LRRC8A: variants seen among roughly 807,000 people sequenced by gnomAD.
LRRC8A encodes the protein volume-regulated anion channel subunit LRRC8A.
Under a neutral mutation model 52.5 loss-of-function variants are expected in LRRC8A, and 24 were observed. The observed-to-expected ratio is 0.46, with a 90% confidence interval of 0.33 to 0.64. The LOEUF is 0.64. Among genes scored for constraint, LRRC8A ranks in the 30% least tolerant of loss-of-function variants. The pLI, the probability that LRRC8A is intolerant of heterozygous loss-of-function variation, is 0.02. For missense variants in LRRC8A, 677 were observed against 1,094.7 expected (o/e 0.62, Z 5.38); for synonymous variants, 492 against 494.2 (o/e 1.00, Z 0.06).
intron 2 of LRRC8A, among the ~76,000 whole-genome samples, chr9:128,906,316 ATTTTTT>A (rs71383620): frequency 3.7e-4 from 29 of 79,286 alleles, no homozygotes; most frequent in South Asian, 2.2e-3. Flanking sequence ...CCCATGTGGA[ATTTTTT>A]TTTTTTTTTT....
At chr9:128,889,540 G>T (rs954163589) in intron 2 of LRRC8A, among the ~76,000 whole-genome samples, 2 of 151,336 alleles carry the variant, frequency 1.3e-5, no homozygotes, top group African/African-American at 4.9e-5. Context: ...CTGTCACCCA[G>T]GCTGGAGTGC....
chr9:128,883,059 G>C (rs1839175554), intron 1 of LRRC8A: 1 of 330,028 alleles, frequency 3.0e-6, no homozygotes, highest in Admixed American at 4.9e-5. Context: ...CTCAGCTGTT[G>C]CGATTGTTGC....
chr9:128,903,634 C>T (rs1165329796), intron 2 of LRRC8A, among the ~76,000 whole-genome samples: 1 of 151,722 alleles, frequency 6.6e-6, no homozygotes, highest in African/African-American at 2.4e-5. Flanking sequence ...AGGATGGTCT[C>T]GATCTCCTGA....
At chr9:128,900,772 A>G (rs1008037637) in intron 2 of LRRC8A, among the ~76,000 whole-genome samples, 1 of 152,228 alleles carries the variant, frequency 6.6e-6, no homozygotes. Flanking sequence ...TCATGCCCGT[A>G]GTCCCAGCTA....
rs766994978 is a variant in LRRC8A, at chr9:128,892,021, A to T, written c.-9+5900A>T. Among the ~76,000 whole-genome samples, 3 of 152,230 alleles carry T rather than the reference A, an allele frequency of 2.0e-5. No individual in the cohort carries two copies. The highest frequency in any genetic ancestry group is 4.4e-5 in the Non-Finnish European group (3 of 68,036). ...AGAGCCTTACTGTATGGCAGGCACT[A>T]GTCCAAAAGCTTTATATGGACTGTC... On this transcript the variant is annotated intron_variant, in intron 2 of 3. Coordinates refer to ENST00000372600, the MANE Select transcript of LRRC8A (RefSeq NM_019594.4). This position sits in a 1 kb window ranked among gnomAD's most constrained non-coding sequence, Gnocchi z 5.2.
At chr9:128,884,062 C>T (rs1454014082) in intron 1 of LRRC8A, among the ~76,000 whole-genome samples, 1 of 152,106 alleles carries the variant, frequency 6.6e-6, no homozygotes, top group Admixed American at 6.5e-5. Flanking sequence ...GGTTCTCCAT[C>T]CCTTAGGCAC....
intron 2 of LRRC8A, among the ~76,000 whole-genome samples, chr9:128,904,273 C>T (rs530610496): frequency 6.6e-6 from 1 of 152,292 alleles, no homozygotes; most frequent in South Asian, 2.1e-4. Context: ...AATCCCAGCA[C>T]TGTGGGAGGC....
intron 2 of LRRC8A, among the ~76,000 whole-genome samples, chr9:128,897,787 T>A (rs774194713): frequency 1.3e-5 from 2 of 151,672 alleles, no homozygotes; most frequent in Non-Finnish European, 2.9e-5. Context: ...CAGGTGATCC[T>A]CCCACCTCGG....
At position 128,916,623 on chromosome 9, in the gene LRRC8A, AT is replaced by A; in HGVS notation, c.*255del. ...GGAGAGCAAGTCTCAAGAGCGCAGT[AT>A]TTGGATAATCAGGGTCTCCTCCCTG... On this transcript the variant is annotated 3_prime_UTR_variant, in exon 4 of 4. Transcript: ENST00000372600. This position sits in a 1 kb window ranked among gnomAD's most constrained non-coding sequence, Gnocchi z 6.1. 1 of 501,304 alleles carries A rather than the reference AT, an allele frequency of 2.0e-6. No individual in the cohort carries two copies. The highest frequency in any genetic ancestry group is 3.5e-6 in the Non-Finnish European group (1 of 281,876). The allele number at this position is 501,304 out of a possible 1,614,324, so 31.1% of individuals were successfully genotyped here.
chr9:128,917,942 G>C lies in LRRC8A; in HGVS notation c.*1571G>C, dbSNP rs2131083291. 1 of 152,784 alleles carries C rather than the reference G, an allele frequency of 6.5e-6. No homozygotes were observed. The highest frequency in any genetic ancestry group is 1.9e-4 in the East Asian group (1 of 5,190). The allele number at this position is 152,784 out of a possible 1,614,324, so 9.5% of individuals were successfully genotyped here. On this transcript the variant is annotated 3_prime_UTR_variant, in exon 4 of 4. Coordinates refer to ENST00000372600, the MANE Select transcript of LRRC8A (RefSeq NM_019594.4). Reference sequence around the variant, plus strand: ...ATTGGATATAATCCTCAGAAATAATGCACACTAGCCTCTGACAACCATGAA... The same window carrying C: ...ATTGGATATAATCCTCAGAAATAATCCACACTAGCCTCTGACAACCATGAA...
At chr9:128,903,371 T>C (rs1840103844) in intron 2 of LRRC8A, among the ~76,000 whole-genome samples, 7 of 151,580 alleles carry the variant, frequency 4.6e-5, no homozygotes, top group Admixed American at 4.6e-4. Context: ...CTAGAAAGAT[T>C]GGGGCTGGGG....
chr9:128,906,479 C>T (rs1157454210), intron 2 of LRRC8A, among the ~76,000 whole-genome samples: 3 of 152,022 alleles, frequency 2.0e-5, no homozygotes, highest in Non-Finnish European at 2.9e-5. Context: ...CCCGCCACTA[C>T]GCCAGGCTAA....
chr9:128,897,446 G>A (rs1020215598), intron 2 of LRRC8A, among the ~76,000 whole-genome samples: 1 of 151,802 alleles, frequency 6.6e-6, no homozygotes, highest in East Asian at 1.9e-4. Flanking sequence ...CTCCTGAGGT[G>A]ATCAGCCCAC....
At position 128,882,134 on chromosome 9, in the gene LRRC8A, A is replaced by T. The variant is rs1403003014; in HGVS notation, c.-232A>T. On this transcript the variant is annotated 5_prime_UTR_variant, in exon 1 of 4. Transcript: ENST00000372600. ...GTCACTTCCGGGGCGGAGGAGGCTGAGTGGTGCAGTGAGGGACAAACAAAA... is the reference window on the plus strand; with the variant it reads ...GTCACTTCCGGGGCGGAGGAGGCTGTGTGGTGCAGTGAGGGACAAACAAAA... 1 of 152,194 alleles carries T rather than the reference A, an allele frequency of 6.6e-6. No individual in the cohort carries two copies. The allele number at this position is 152,194 out of a possible 1,614,324, so 9.4% of individuals were successfully genotyped here.
chr9:128,913,971 G>A (rs1028173405), intron 3 of LRRC8A, among the ~76,000 whole-genome samples: 1 of 152,222 alleles, frequency 6.6e-6, no homozygotes, highest in Non-Finnish European at 1.5e-5. Flanking sequence ...TTGGGAGGCC[G>A]AGGCGGGCAG....
intron 2 of LRRC8A, among the ~76,000 whole-genome samples, 193 bp downstream of exon 2, chr9:128,886,314 A>T (rs966508944): frequency 1.1e-4 from 16 of 152,138 alleles, no homozygotes; most frequent in African/African-American, 2.9e-4. Flanking sequence ...TGCTTGCCGC[A>T]CTCATTGAAT....
chr9:128,907,157 G>T lies in LRRC8A; in HGVS notation c.-8G>T. The T allele has an allele frequency of 1.9e-6, 3 of 1,603,070 alleles. No individual in the cohort carries two copies. Among genetic ancestry groups the T allele is most frequent in the Non-Finnish European group, 2.6e-6 (3 of 1,172,262 alleles). ...CCCCCCTCCTATGGCTCCCTTTTAG[G>T]TTGAACCATGATTCCGGTGACAGAG... is the stretch of plus-strand genomic sequence containing the variant. On this transcript the variant is annotated splice_region_variant and 5_prime_UTR_variant, in exon 3 of 4. Transcript: ENST00000372600. The surrounding 1 kb of genome is among the most constrained non-coding windows in gnomAD (Gnocchi z 9.3).
intron 2 of LRRC8A, among the ~76,000 whole-genome samples, chr9:128,889,486 T>TTG (rs1554821341): frequency 2.6e-5 from 4 of 151,604 alleles, no homozygotes; most frequent in African/African-American, 9.7e-5. Context: ...TTTTTTTTTT[T>TTG]TTGTTTAATT....
intron 2 of LRRC8A, among the ~76,000 whole-genome samples, chr9:128,895,445 A>C (rs1337867815): frequency 1.3e-5 from 2 of 152,212 alleles, no homozygotes; most frequent in Admixed American, 6.5e-5. Context: ...CTGGATTTGA[A>C]CCTACATGTC....
Sources: allele counts gnomAD v4.1 joint callset (sites outside exome capture counted in the v4.1 genomes callset), GRCh38; gene constraint gnomAD v4.1.1; non-coding constraint Gnocchi (gnomAD v3.1); transcripts MANE v1.5; gene names NCBI Gene and HGNC (gene_info 2026-07-23, HGNC 2026-07-21).